Variants in PSD observed in about 807,000 individuals in gnomAD.
PSD encodes pleckstrin and Sec7 domain containing, also known as PH and SEC7 domain-containing protein 1.
A neutral mutation model predicts 91.6 loss-of-function variants in PSD; 32 were observed. That is an observed-to-expected ratio of 0.35 (90% CI 0.26 to 0.47). The LOEUF (loss-of-function observed/expected upper bound fraction) is 0.47. Ranked by LOEUF, PSD falls within the 20% of genes least tolerant of loss-of-function variation. PSD has a pLI of 1.00. For synonymous variants in PSD, 532 were observed against 569.3 expected, an observed-to-expected ratio of 0.93 and a Z score of 0.93; for missense variants, 1,099 against 1,373.9, an observed-to-expected ratio of 0.80 and a Z score of 3.16.
chr10:102,405,222 G>T lies in PSD; in HGVS notation c.2358C>A (p.Phe786Leu). 1 of 1,611,018 alleles carries T rather than the reference G, an allele frequency of 6.2e-7. No individual in the cohort carries two copies. The change falls in exon 13 of 17, where the codon TTC becomes TTA. Residue 786 changes from phenylalanine (F) to leucine (L), a missense_variant. Phe to Leu is a conservative substitution (Grantham distance 22). Transcript: ENST00000020673. The surrounding 1 kb of genome is among the most constrained non-coding windows in gnomAD (Gnocchi z 5.4). The part of the protein sequence containing the change: ...TPRGKRGWKS[F>L]HGILKGMILY... ...GGATCATGCCCTTGAGGATCCCGTG[G>T]AAGCTCTTCCAGCCCCGCTTGCCCC... is the stretch of plus-strand genomic sequence containing the variant.
rs1363813743 is a variant in PSD at position 102,414,931 on chromosome 10, C to G, written c.1056G>C (p.Glu352Asp). Residue 352 changes from glutamate to aspartate, a missense_variant, in exon 4 of 17, where the codon GAG becomes GAC. Physicochemically the swap from Glu to Asp is conservative, Grantham distance 45. Transcript: ENST00000020673. This position sits in a 1 kb window ranked among gnomAD's most constrained non-coding sequence, Gnocchi z 5.6. ...CTTCCCCACCTGCCTCATCGTCGTC[C>G]TCATCCTCATTGCCACTGCCGAGGC... ...HPSLGSGNED[E>D]DDDEAGGEED... 2.6e-6 allele frequency: 4 copies of G among 1,543,382 alleles called. No homozygotes were observed. Among genetic ancestry groups the G allele is most frequent in the Non-Finnish European group, 3.5e-6 (4 of 1,140,136 alleles).
Position 102,403,455 on chromosome 10 carries a change from G to A in PSD, c.2845-25C>T. 6.3e-7 allele frequency: 1 copy of A among 1,577,954 alleles called. No homozygotes were observed. The highest frequency in any genetic ancestry group is 8.6e-7 in the Non-Finnish European group (1 of 1,162,504). ...TCTGAGGCAGAGGGGCAGGGGCTGTGAGAGCCTCTTCTCTGCCTTCTGCCC... is the reference window on the plus strand; with the variant it reads ...TCTGAGGCAGAGGGGCAGGGGCTGTAAGAGCCTCTTCTCTGCCTTCTGCCC... On this transcript the variant is annotated intron_variant, in intron 16 of 16. Coordinates refer to ENST00000020673, the MANE Select transcript of PSD (RefSeq NM_002779.5). This position sits in a 1 kb window ranked among gnomAD's most constrained non-coding sequence, Gnocchi z 6.7.
At chr10:102,419,291 G>C (rs1410816998), upstream of PSD, 1 of 153,698 alleles carries the variant, frequency 6.5e-6, no homozygotes, top group Admixed American at 6.5e-5. This position sits in a 1 kb window ranked among gnomAD's most constrained non-coding sequence, Gnocchi z 4.8. Context: ...CAGGGGTTTT[G>C]AGTCTCGGAC....
chr10:102,407,428 G>A (rs1179823432), intron 10 of PSD, among the ~76,000 whole-genome samples, 162 bp from the exon 11 acceptor site: 4 of 152,128 alleles, frequency 2.6e-5, no homozygotes, highest in East Asian at 1.9e-4. Flanking sequence ...ACCCAGACCC[G>A]GCTCCACCAC....
intron 11 of PSD, among the ~76,000 whole-genome samples, chr10:102,406,748 G>A (rs536348146): frequency 1.3e-5 from 2 of 152,280 alleles, no homozygotes; most frequent in South Asian, 4.1e-4. Context: ...CTCGTGATCT[G>A]CCCGCCTTGG....
In PSD at chr10:102,403,319, C is replaced by G; in HGVS notation, c.2956G>C (p.Gly986Arg). The G allele has an allele frequency of 6.2e-7, 1 of 1,614,162 alleles. No individual in the cohort carries two copies. Among genetic ancestry groups the G allele is most frequent in the African/African-American group, 1.3e-5 (1 of 75,074 alleles). Reference protein sequence around the residue: ...ALAQAGSTEDGLPPSHSSPSL... With the variant: ...ALAQAGSTEDRLPPSHSSPSL... ...GGACTGGAGTGAGAAGGAGGGAGTC[C>G]ATCCTCTGTGCTCCCGGCCTGGGCC... The change falls in exon 17 of 17, where the codon GGA (glycine) becomes CGA (arginine). Residue 986 changes from glycine to arginine, a missense_variant. Transcript: ENST00000020673. This position sits in a 1 kb window ranked among gnomAD's most constrained non-coding sequence, Gnocchi z 6.7.
Position 102,404,876 on chromosome 10 carries a change from T to C in PSD, c.2555+22A>G. 1 of 1,608,176 alleles carries C rather than the reference T, an allele frequency of 6.2e-7. No homozygotes were observed. The highest frequency in any genetic ancestry group is 2.2e-5 in the East Asian group (1 of 44,730). On this transcript the variant is annotated intron_variant, in intron 14 of 16. Coordinates refer to ENST00000020673, the MANE Select transcript of PSD (RefSeq NM_002779.5). This position sits in a 1 kb window ranked among gnomAD's most constrained non-coding sequence, Gnocchi z 5.7. ...GGGAGGTGGGGGAAGGGGTCCGGGA[T>C]GGGCAGGAGGAGGGCACTCACGGGG...
Position 102,404,495 on chromosome 10 carries a change from A to G in PSD, c.2700+88T>C. The G allele has an allele frequency of 6.7e-7, 1 of 1,486,142 alleles. No individual in the cohort carries two copies. The highest frequency in any genetic ancestry group is 9.1e-7 in the Non-Finnish European group (1 of 1,104,294). 92.1% of individuals were successfully genotyped at this position (1,486,142 alleles called of 1,614,324 possible). ...GCATCCTGGTGCAGGGGACATCTCC[A>G]CGATCACACGCAGCAGCCTTGAGTG... is the stretch of plus-strand genomic sequence containing the variant. On this transcript the variant is annotated intron_variant, in intron 15 of 16. Coordinates refer to ENST00000020673, the MANE Select transcript of PSD (RefSeq NM_002779.5). The surrounding 1 kb of genome is among the most constrained non-coding windows in gnomAD (Gnocchi z 5.7).
rs777069126 is a variant in PSD at position 102,403,464 on chromosome 10, T to G, written c.2845-34A>C. ...GAGGGGCAGGGGCTGTGAGAGCCTC[T>G]TCTCTGCCTTCTGCCCACCCCACCA... On this transcript the variant is annotated intron_variant, in intron 16 of 16. Coordinates refer to ENST00000020673, the MANE Select transcript of PSD (RefSeq NM_002779.5). The surrounding 1 kb of genome is among the most constrained non-coding windows in gnomAD (Gnocchi z 6.7). The G allele has an allele frequency of 1.9e-6, 3 of 1,549,680 alleles. No individual in the cohort carries two copies. The highest frequency in any genetic ancestry group is 2.6e-6 in the Non-Finnish European group (3 of 1,146,112).
Position 102,416,627 on chromosome 10 carries a change from T to G in PSD, c.412A>C (p.Thr138Pro), listed in dbSNP as rs144256363. 9.1e-5 allele frequency: 146 copies of G among 1,605,300 alleles called. 1 individual carries two copies. The African/African-American group carries it at 1.7e-3, about 19-fold the overall frequency. Residue 138 changes from threonine (T) to proline (P), a missense_variant, in exon 2 of 17, where the codon ACC (threonine) becomes CCC (proline). This residue lies in a region of PSD where 631 missense variants were observed against 728.8 expected (regional missense o/e 0.87). Coordinates refer to ENST00000020673, the MANE Select transcript of PSD (RefSeq NM_002779.5). The surrounding 1 kb of genome is among the most constrained non-coding windows in gnomAD (Gnocchi z 6.0). The stretch of plus-strand genomic sequence containing the variant: ...TTGGAGCCAGGCCCAAGGGCTGGGG[T>G]GGGCCTGGGAGGAGAAACCCCACCC... ...DLGGVSPPRP[T>P]PALGPGSNRK... is the part of the protein sequence containing the mutation.
chr10:102,416,029 G>C lies in PSD; in HGVS notation c.745C>G (p.Pro249Ala), dbSNP rs753421045. 7.7e-5 allele frequency: 124 copies of C among 1,613,058 alleles called. 1 individual carries two copies. In the South Asian group the frequency reaches 1.2e-3, roughly 16 times the overall value. Residue 249 changes from proline (P) to alanine (A), a missense_variant, in exon 3 of 17, where the codon CCC (proline) becomes GCC (alanine). By Grantham distance (27) the Pro-to-Ala change is conservative. Around this residue, in one of 3 missense-constraint regions of PSD, gnomAD observed 631 missense variants for 728.8 expected, o/e 0.87. Coordinates refer to ENST00000020673, the MANE Select transcript of PSD (RefSeq NM_002779.5). This position sits in a 1 kb window ranked among gnomAD's most constrained non-coding sequence, Gnocchi z 6.0. ...TCCCAGGCCTTACCTGAGCTGGGGG[G>C]GTCCAAGGAGCCATAGAAGAATTCC... ...KWEFFYGSLD[P>A]PSSGAKPPEQ...
Position 102,416,210 on chromosome 10 carries a change from G to T in PSD, c.655-91C>A. ...GGGACAGAAACAGAAATTAAAACATGCATCGACAGAGATGGAGGTTCAGAG... is the reference window on the plus strand; with the variant it reads ...GGGACAGAAACAGAAATTAAAACATTCATCGACAGAGATGGAGGTTCAGAG... On this transcript the variant is annotated intron_variant, in intron 2 of 16. Coordinates refer to ENST00000020673, the MANE Select transcript of PSD (RefSeq NM_002779.5). This position sits in a 1 kb window ranked among gnomAD's most constrained non-coding sequence, Gnocchi z 6.0. The T allele has an allele frequency of 8.2e-7, 1 of 1,218,822 alleles. No homozygotes were observed. The highest frequency in any genetic ancestry group is 1.2e-6 in the Non-Finnish European group (1 of 858,120). 75.5% of individuals were successfully genotyped at this position (1,218,822 alleles called of 1,614,324 possible).
chr10:102,402,903 G>T lies in PSD; in HGVS notation c.*297C>A, dbSNP rs961234634. 3.1e-6 allele frequency: 1 copy of T among 323,600 alleles called. No homozygotes were observed. The highest frequency in any genetic ancestry group is 5.0e-5 in the East Asian group (1 of 19,876). The allele number at this position is 323,600 out of a possible 1,614,324, so 20.0% of individuals were successfully genotyped here. A position where few individuals can be genotyped will look rare whatever the true frequency, so the allele number is the denominator to read the frequency against. On this transcript the variant is annotated 3_prime_UTR_variant, in exon 17 of 17. Transcript: ENST00000020673. The stretch of plus-strand genomic sequence containing the variant: ...CAGCAGAAAGCAGAAACGGCATCAG[G>T]CCTCTCCCACACAAAAAAAAAGCAT...
rs1467128035 is a variant in PSD, at chr10:102,416,980, C to T, written c.59G>A (p.Arg20Gln). ...SEGDCAISPP[R>Q]CPRRWLPEGP... ...TTCGGGGAGCCAGCGGCGTGGGCAT[C>T]GTGGTGGGGAGATGGCACAGTCGCC... The change falls in exon 2 of 17, where the codon CGA becomes CAA. Residue 20 changes from arginine (R) to glutamine (Q), a missense_variant. Coordinates refer to ENST00000020673, the MANE Select transcript of PSD (RefSeq NM_002779.5). The surrounding 1 kb of genome is among the most constrained non-coding windows in gnomAD (Gnocchi z 6.0). 5 of 1,598,318 alleles carry T rather than the reference C, an allele frequency of 3.1e-6. No homozygotes were observed. Among genetic ancestry groups the T allele is most frequent in the Non-Finnish European group, 4.2e-6 (5 of 1,178,970 alleles).
In PSD at chr10:102,405,624, C is replaced by A; in HGVS notation, c.2136-88G>T. On this transcript the variant is annotated intron_variant, in intron 11 of 16. Transcript: ENST00000020673. This position sits in a 1 kb window ranked among gnomAD's most constrained non-coding sequence, Gnocchi z 5.4. ...GCCTCTGCTCGCCCTGGAAAAGCTC[C>A]CCCAGTGTTTGTGGCTTGGGGGGCT... 2.3e-6 allele frequency: 3 copies of A among 1,323,746 alleles called. No homozygotes were observed. The highest frequency in any genetic ancestry group is 3.1e-6 in the Non-Finnish European group (3 of 978,010). The allele number at this position is 1,323,746 out of a possible 1,614,324, so 82.0% of individuals were successfully genotyped here.
Position 102,410,253 on chromosome 10 carries a change from G to A in PSD, c.2091+605C>T, listed in dbSNP as rs1300213616. Among the ~76,000 whole-genome samples, 1 of 152,234 alleles carries A rather than the reference G, an allele frequency of 6.6e-6. No homozygotes were observed. Among genetic ancestry groups the A allele is most frequent in the Non-Finnish European group, 1.5e-5 (1 of 68,038 alleles). On this transcript the variant is annotated intron_variant, in intron 10 of 16. Transcript: ENST00000020673. The surrounding 1 kb of genome is among the most constrained non-coding windows in gnomAD (Gnocchi z 6.0). ...CCACTCCCTTCTCCTACCGGCACCA[G>A]CCCCTACGTATCTGAGCCCTCGGTT...
Position 102,416,193 on chromosome 10 carries a change from AAC to A in PSD, c.655-76_655-75del. The stretch of plus-strand genomic sequence containing the variant: ...CAAGGACACAAGAATATGGGACAGA[AAC>A]AGAAATTAAAACATGCATCGACAGA... On this transcript the variant is annotated intron_variant, in intron 2 of 16. Transcript: ENST00000020673. The surrounding 1 kb of genome is among the most constrained non-coding windows in gnomAD (Gnocchi z 6.0). The A allele has an allele frequency of 7.7e-7, 1 of 1,298,190 alleles. No homozygotes were observed. The highest frequency in any genetic ancestry group is 1.1e-6 in the Non-Finnish European group (1 of 923,890). 80.4% of individuals were successfully genotyped at this position (1,298,190 alleles called of 1,614,324 possible). A position where few individuals can be genotyped will look rare whatever the true frequency, so the allele number is the denominator to read the frequency against.
upstream of PSD, chr10:102,419,747 G>A (rs180716428): frequency 6.4e-4 from 106 of 165,642 alleles, no homozygotes; most frequent in Admixed American, 4.4e-3. This position sits in a 1 kb window ranked among gnomAD's most constrained non-coding sequence, Gnocchi z 4.8. Context: ...CGAACAAAGA[G>A]GGGAGGGGGA....
chr10:102,416,486 C>G lies in PSD; in HGVS notation c.553G>C (p.Ala185Pro), dbSNP rs1448958534. ...HGPPAPPQVG[A>P]DGLYSSLPNG... Reference sequence around the variant, plus strand: ...GGGAGAGAGGAGTAAAGGCCATCTGCTCCAACCTGGGGTGGGGCTGGCGGC... The same window carrying G: ...GGGAGAGAGGAGTAAAGGCCATCTGGTCCAACCTGGGGTGGGGCTGGCGGC... Residue 185 changes from alanine to proline, a missense_variant, in exon 2 of 17, where the codon GCA (alanine) becomes CCA (proline). By Grantham distance (27) the Ala-to-Pro change is conservative. This residue lies in a region of PSD where 631 missense variants were observed against 728.8 expected (regional missense o/e 0.87). Transcript: ENST00000020673. The surrounding 1 kb of genome is among the most constrained non-coding windows in gnomAD (Gnocchi z 6.0). 6.2e-7 allele frequency: 1 copy of G among 1,613,562 alleles called. No individual in the cohort carries two copies. The highest frequency in any genetic ancestry group is 2.2e-5 in the East Asian group (1 of 44,882).
Sources: gnomAD v4.1 joint callset for allele counts (sites outside exome capture counted in the v4.1 genomes callset) on GRCh38, gnomAD v4.1.1 for gene constraint, gnomAD v4.1.1 regional missense constraint, Gnocchi (gnomAD v3.1) non-coding constraint, MANE v1.5 for transcripts, NCBI Gene and HGNC (gene_info 2026-07-23, HGNC 2026-07-21) for gene names.